FAM135B: variants seen among roughly 807,000 people sequenced by gnomAD.
FAM135B encodes protein FAM135B.
FAM135B carries 43 observed loss-of-function variants against 127.7 expected under a neutral mutation model. The observed-to-expected ratio is 0.34, with a 90% CI of 0.26 to 0.43. The LOEUF (loss-of-function observed/expected upper bound fraction) is 0.43. Ranked by LOEUF, FAM135B falls within the 20% of genes least tolerant of loss-of-function variation. The pLI is 1.00. For synonymous variants in FAM135B, 670 were observed against 665.1 expected, an observed-to-expected ratio of 1.01 and a Z score of -0.11; for missense variants, 1,558 against 1,725.6, an observed-to-expected ratio of 0.90 and a Z score of 1.72.
chr8:138,276,797 C>G (rs1245880171), intron 3 of FAM135B, among the ~76,000 whole-genome samples: 2 of 152,096 alleles, frequency 1.3e-5, no homozygotes, highest in African/African-American at 2.4e-5. Context: ...TTGGGGAGCA[C>G]AGAGAGTACC....
rs528392162 is a variant in FAM135B at position 138,393,692 on chromosome 8, C to G, written c.-19-25690G>C. 3.3e-5 allele frequency among the ~76,000 whole-genome samples: 5 copies of G among 152,288 alleles called. No homozygotes were observed. The East Asian group carries it at 9.7e-4, about 29-fold the overall frequency. The stretch of plus-strand genomic sequence containing the variant: ...AGCCTTCAGGCAGTTTACTTTCCTG[C>G]CCTCACGGAGCCCATGCTTAGCACC... On this transcript the variant is annotated intron_variant, in intron 1 of 19. Coordinates refer to ENST00000395297, the MANE Select transcript of FAM135B (RefSeq NM_015912.4).
At chr8:138,344,664 C>T (rs147994859) in intron 2 of FAM135B, among the ~76,000 whole-genome samples, 4,727 of 149,548 alleles carry the variant, frequency 0.032, 209 homozygotes, top group African/African-American at 0.1. Context: ...CAATCTCCGC[C>T]TCCCAGGTTC....
In FAM135B at chr8:138,242,430, T is replaced by C. The variant is rs1002706813; in HGVS notation, c.669+512A>G. Reference sequence around the variant, plus strand: ...AACAAGGGGAAGGACAGGATATGCATATTTAGTTAGCAGCTAGTGAGTATT... The same window carrying C: ...AACAAGGGGAAGGACAGGATATGCACATTTAGTTAGCAGCTAGTGAGTATT... On this transcript the variant is annotated intron_variant, in intron 7 of 19. Transcript: ENST00000395297. The surrounding 1 kb of genome is among the most constrained non-coding windows in gnomAD (Gnocchi z 9.6). 1.3e-5 allele frequency among the ~76,000 whole-genome samples: 2 copies of C among 152,062 alleles called. No homozygotes were observed. Among genetic ancestry groups the C allele is most frequent in the South Asian group, 2.1e-4 (1 of 4,822 alleles).
chr8:138,151,303 A>G lies in FAM135B; in HGVS notation c.3172T>C (p.Ser1058Pro). The G allele has an allele frequency of 6.2e-7, 1 of 1,614,072 alleles. No homozygotes were observed. Among genetic ancestry groups the G allele is most frequent in the Non-Finnish European group, 8.5e-7 (1 of 1,180,004 alleles). Reference sequence around the variant, plus strand: ...ATGGGAAACAGGGTCTGTTTGGAAGAGAATCCAGCCCTGGCAGGGGTCTCC... The same window carrying G: ...ATGGGAAACAGGGTCTGTTTGGAAGGGAATCCAGCCCTGGCAGGGGTCTCC... ...PKETPARAGF[S>P]SKQTLFPITH... Residue 1058 changes from serine (S) to proline (P), a missense_variant, in exon 13 of 20, where the codon TCT (serine) becomes CCT (proline). By Grantham distance (74) the Ser-to-Pro change is moderately conservative (BLOSUM62 -1). Around this residue, in one of 5 missense-constraint regions of FAM135B, gnomAD observed 923 missense variants for 865.3 expected, o/e 1.07. Coordinates refer to ENST00000395297, the MANE Select transcript of FAM135B (RefSeq NM_015912.4).
At chr8:138,159,278 C>CAAAAAAAAAAA (rs1441016128) in intron 12 of FAM135B, among the ~76,000 whole-genome samples, 1 of 31,650 alleles carries the variant, frequency 3.2e-5, no homozygotes, top group Non-Finnish European at 6.0e-5. Flanking sequence ...GACTCCGTCT[C>CAAAAAAAAAAA]AAAAAAAAAA....
intron 7 of FAM135B, among the ~76,000 whole-genome samples, chr8:138,234,128 C>T (rs543758976): frequency 4.6e-5 from 7 of 152,218 alleles, no homozygotes; most frequent in Middle Eastern, 3.4e-3. Context: ...AGCAATACTG[C>T]TGACTTTTGC....
chr8:138,212,825 C>G (rs968147831), intron 7 of FAM135B, among the ~76,000 whole-genome samples: 2 of 152,142 alleles, frequency 1.3e-5, no homozygotes, highest in Non-Finnish European at 2.9e-5. Context: ...TTGGGAACAA[C>G]ATTACACAAC....
chr8:138,198,429 C>G (rs1042014724), intron 7 of FAM135B, among the ~76,000 whole-genome samples: 4 of 152,134 alleles, frequency 2.6e-5, no homozygotes, highest in African/African-American at 9.7e-5. Context: ...ACTATAGAGG[C>G]CATGGGACAG....
intron 1 of FAM135B, among the ~76,000 whole-genome samples, chr8:138,474,060 A>G (rs1814242504): frequency 1.3e-5 from 2 of 152,334 alleles, no homozygotes; most frequent in African/African-American, 4.8e-5. Flanking sequence ...CTTTAAATAG[A>G]TTCAGTGATT....
chr8:138,199,860 G>A (rs1310576511), intron 7 of FAM135B, among the ~76,000 whole-genome samples: 5 of 152,172 alleles, frequency 3.3e-5, no homozygotes, highest in Non-Finnish European at 7.4e-5. Context: ...CTCCTCCCTC[G>A]ACATGTGGGG....
chr8:138,378,663 T>C (rs760619448), intron 1 of FAM135B, among the ~76,000 whole-genome samples: 24 of 152,034 alleles, frequency 1.6e-4, no homozygotes. Flanking sequence ...GCCCCAGGCA[T>C]TCACCCCCTT....
chr8:138,183,093 G>C (rs907850790), intron 9 of FAM135B, among the ~76,000 whole-genome samples: 2 of 146,110 alleles, frequency 1.4e-5, no homozygotes, highest in South Asian at 4.5e-4. Context: ...ATCCACCCAG[G>C]TGCCCTCTCC....
chr8:138,204,631 G>C (rs1346817193), intron 7 of FAM135B, among the ~76,000 whole-genome samples: 1 of 152,110 alleles, frequency 6.6e-6, no homozygotes, highest in Admixed American at 6.5e-5. Flanking sequence ...CTTTGGAATC[G>C]TGGAACATTC....
chr8:138,145,308 G>A lies in FAM135B; in HGVS notation c.3540+651C>T, dbSNP rs1017445560. ...TGGGATTATAGGTGCGAGCCACCGC[G>A]CCCAGCCATCCTCTCTGAATACTGC... On this transcript the variant is annotated intron_variant, in intron 15 of 19. Transcript: ENST00000395297. 3.3e-5 allele frequency among the ~76,000 whole-genome samples: 5 copies of A among 152,070 alleles called. No homozygotes were observed. The South Asian group carries it at 1.0e-3, about 32-fold the overall frequency.
At chr8:138,302,395 A>G (rs1365322160) in intron 3 of FAM135B, among the ~76,000 whole-genome samples, 1 of 152,114 alleles carries the variant, frequency 6.6e-6, no homozygotes, top group African/African-American at 2.4e-5. Context: ...TTGTTTGCTT[A>G]AAACTCATTG....
chr8:138,236,311 G>A (rs139209458), intron 7 of FAM135B, among the ~76,000 whole-genome samples: 4 of 151,908 alleles, frequency 2.6e-5, no homozygotes, highest in East Asian at 3.9e-4. Flanking sequence ...GCACTCCCAC[G>A]TTCATTGGCG....
chr8:138,209,170 C>T (rs1231337661), intron 7 of FAM135B, among the ~76,000 whole-genome samples: 1 of 152,012 alleles, frequency 6.6e-6, no homozygotes, highest in Admixed American at 6.6e-5. Flanking sequence ...CACTTGAGGT[C>T]TAGAGGTTAA....
intron 7 of FAM135B, among the ~76,000 whole-genome samples, chr8:138,237,836 A>G (rs1820422380): frequency 6.6e-6 from 1 of 152,190 alleles, no homozygotes; most frequent in Non-Finnish European, 1.5e-5. Flanking sequence ...CCACAAGTGC[A>G]TGACCCAATT....
rs561968667 is a variant in FAM135B at position 138,184,176 on chromosome 8, C to A, written c.874-5486G>T. Among the ~76,000 whole-genome samples the A allele has an allele frequency of 3.3e-4, 51 of 152,266 alleles. 2 individuals are homozygous for A. The South Asian group carries it at 0.011, about 32-fold the overall frequency. ...ACAAGGTGAGATGGGATAGCCCGGG[C>A]AGAGGCCATAGCTTGCAGAAAGATA... On this transcript the variant is annotated intron_variant, in intron 9 of 19. Transcript: ENST00000395297.
Sources: gnomAD v4.1 joint callset for allele counts (sites outside exome capture counted in the v4.1 genomes callset) on GRCh38, gnomAD v4.1.1 for gene constraint, gnomAD v4.1.1 regional missense constraint, Gnocchi (gnomAD v3.1) non-coding constraint, MANE v1.5 for transcripts, NCBI Gene and HGNC (gene_info 2026-07-23, HGNC 2026-07-21) for gene names.